Variants in MAP3K2 observed in about 807,000 individuals in gnomAD.
MAP3K2 encodes mitogen-activated protein kinase kinase kinase 2.
MAP3K2 carries 24 observed loss-of-function variants against 80.3 expected under a neutral mutation model. That is an observed-to-expected ratio of 0.30 (90% CI 0.22 to 0.42). The LOEUF (loss-of-function observed/expected upper bound fraction) is 0.42, where lower values mean the gene tolerates loss of function less well. Ranked by LOEUF, MAP3K2 falls within the 10% of genes least tolerant of loss-of-function variation. The pLI, the probability that MAP3K2 is intolerant of heterozygous loss-of-function variation, is 1.00. For missense variants in MAP3K2, 608 were observed against 750.1 expected, an observed-to-expected ratio of 0.81 and a Z score of 2.21; for synonymous variants, 244 against 253.7, an observed-to-expected ratio of 0.96 and a Z score of 0.36.
intron 1 of MAP3K2, among the ~76,000 whole-genome samples, chr2:127,372,616 C>G (rs879600814): frequency 1.2e-4 from 18 of 152,172 alleles, no homozygotes; most frequent in Non-Finnish European, 2.5e-4. Flanking sequence ...AACTCATGCC[C>G]TTCCCTGTTA....
At chr2:127,384,235 T>TA (rs1558993419) in intron 1 of MAP3K2, among the ~76,000 whole-genome samples, 30 of 147,356 alleles carry the variant, frequency 2.0e-4, no homozygotes, top group African/African-American at 6.7e-4. Context: ...TATATATATA[T>TA]TGCTTTTTTA....
At position 127,301,204 on chromosome 2, in the gene MAP3K2, CT is replaced by C. The variant is rs1455575409; in HGVS notation, c.*6374del. 6.6e-6 allele frequency: 1 copy of C among 152,186 alleles called. No individual in the cohort carries two copies. Among genetic ancestry groups the C allele is most frequent in the African/African-American group, 2.4e-5 (1 of 41,450 alleles). The allele number at this position is 152,186 out of a possible 1,614,324, so 9.4% of individuals were successfully genotyped here. A position where few individuals can be genotyped will look rare whatever the true frequency, so the allele number is the denominator to read the frequency against. ...GACATCAGTCCAGAACCTACTTTTC[CT>C]CACAGCTTTGCTGAAATGCCCCTCA... On this transcript the variant is annotated 3_prime_UTR_variant, in exon 17 of 17. Coordinates refer to ENST00000682094, the MANE Select transcript of MAP3K2 (RefSeq NM_001371910.2).
chr2:127,302,770 C>T lies in MAP3K2; in HGVS notation c.*4809G>A, dbSNP rs1443165972. 6.6e-6 allele frequency: 1 copy of T among 152,170 alleles called. No individual in the cohort carries two copies. Among genetic ancestry groups the T allele is most frequent in the African/African-American group, 2.4e-5 (1 of 41,448 alleles). 9.4% of individuals were successfully genotyped at this position (152,170 alleles called of 1,614,324 possible). ...CAACCCAGAAAACATTTACATGTCT[C>T]TTTAGAACGAGAATACCTCTTTCTA... On this transcript the variant is annotated 3_prime_UTR_variant, in exon 17 of 17. Transcript: ENST00000682094.
rs1361570911 is a variant in MAP3K2, at chr2:127,339,653, T to C, written c.5-603A>G. Among the ~76,000 whole-genome samples the C allele has an allele frequency of 1.3e-5, 2 of 152,188 alleles. No homozygotes were observed. The highest frequency in any genetic ancestry group is 4.8e-5 in the African/African-American group (2 of 41,450). On this transcript the variant is annotated intron_variant, in intron 2 of 16. Coordinates refer to ENST00000682094, the MANE Select transcript of MAP3K2 (RefSeq NM_001371910.2). The surrounding 1 kb of genome is among the most constrained non-coding windows in gnomAD (Gnocchi z 4.2). ...GCCAGCAACAATGTAAGAAAATTCC[T>C]TTCCTTAGAAAAAGTACCAAGTCCA...
rs886590965 is a variant in MAP3K2 at position 127,336,081 on chromosome 2, A to G, written c.165-112T>C. The G allele has an allele frequency of 4.8e-6, 3 of 619,578 alleles. No individual in the cohort carries two copies. In the African/African-American group the frequency reaches 5.5e-5, roughly 11 times the overall value. The allele number at this position is 619,578 out of a possible 1,614,324, so 38.4% of individuals were successfully genotyped here. On this transcript the variant is annotated intron_variant, in intron 4 of 16. Transcript: ENST00000682094. ...AAGATTAACTAAAAATTACGTAAAT[A>G]TTCACTTTACTTAACACTACAACAG...
intron 1 of MAP3K2, among the ~76,000 whole-genome samples, chr2:127,363,838 C>G (rs1686929238): frequency 6.6e-6 from 1 of 152,038 alleles, no homozygotes; most frequent in Admixed American, 6.6e-5. Flanking sequence ...TCAATTTTTA[C>G]TAGACATGGG....
chr2:127,387,359 C>G (rs1327396071), intron 1 of MAP3K2, 93 bp downstream of exon 1: 1 of 469,046 alleles, frequency 2.1e-6, no homozygotes, highest in Non-Finnish European at 2.8e-6. Flanking sequence ...GCCAGCCCCC[C>G]TCCCGGCGCC....
At chr2:127,354,209 C>A (rs1380583854) in intron 1 of MAP3K2, among the ~76,000 whole-genome samples, 2 of 148,230 alleles carry the variant, frequency 1.3e-5, no homozygotes, top group African/African-American at 5.0e-5. Context: ...GCCAAATACC[C>A]CTCTGCGAGA....
chr2:127,319,669 A>G (rs1051077838), intron 12 of MAP3K2, among the ~76,000 whole-genome samples: 3 of 149,616 alleles, frequency 2.0e-5, no homozygotes, highest in South Asian at 2.2e-4. Flanking sequence ...AAAAAAAAAA[A>G]AAAAAAAAAG....
rs1036564700 is a variant in MAP3K2, at chr2:127,363,359, T to G, written c.-65-20165A>C. Reference sequence around the variant, plus strand: ...GCTAACATCCTCTAAAAATTAAAAATCCTTCCAAAGTAAGCAGAATTTATA... The same window carrying G: ...GCTAACATCCTCTAAAAATTAAAAAGCCTTCCAAAGTAAGCAGAATTTATA... On this transcript the variant is annotated intron_variant, in intron 1 of 16. Transcript: ENST00000682094. Among the ~76,000 whole-genome samples, 3 of 152,210 alleles carry G rather than the reference T, an allele frequency of 2.0e-5. No homozygotes were observed. The South Asian group carries it at 6.2e-4, about 31-fold the overall frequency.
At position 127,339,952 on chromosome 2, in the gene MAP3K2, A is replaced by G. The variant is rs971758203; in HGVS notation, c.5-902T>C. Among the ~76,000 whole-genome samples the G allele has an allele frequency of 1.3e-5, 2 of 152,182 alleles. No individual in the cohort carries two copies. The highest frequency in any genetic ancestry group is 2.9e-5 in the Non-Finnish European group (2 of 68,020). ...GTAACTTATGTTCTTGGAGTAGTAA[A>G]AATTAAAACATGCCATATCCTGTAT... is the stretch of plus-strand genomic sequence containing the variant. On this transcript the variant is annotated intron_variant, in intron 2 of 16. Coordinates refer to ENST00000682094, the MANE Select transcript of MAP3K2 (RefSeq NM_001371910.2). This position sits in a 1 kb window ranked among gnomAD's most constrained non-coding sequence, Gnocchi z 4.2.
intron 1 of MAP3K2, among the ~76,000 whole-genome samples, chr2:127,351,354 T>A (rs1686688906): frequency 6.6e-6 from 1 of 152,128 alleles, no homozygotes; most frequent in South Asian, 2.1e-4. Flanking sequence ...GACCTCATGT[T>A]AGCAAGTTAC....
At chr2:127,376,823 T>C (rs769852313) in intron 1 of MAP3K2, among the ~76,000 whole-genome samples, 3 of 152,160 alleles carry the variant, frequency 2.0e-5, no homozygotes, top group South Asian at 2.1e-4. Flanking sequence ...CCCAGCACTT[T>C]GGGAGTCTGA....
intron 12 of MAP3K2, among the ~76,000 whole-genome samples, chr2:127,320,660 C>T (rs1473456057): frequency 2.0e-5 from 3 of 152,178 alleles, no homozygotes; most frequent in Non-Finnish European, 4.4e-5. Context: ...TATACCTAGA[C>T]ACGTCATATT....
intron 1 of MAP3K2, among the ~76,000 whole-genome samples, chr2:127,350,916 G>A (rs1686681780): frequency 6.6e-6 from 1 of 152,058 alleles, no homozygotes; most frequent in Non-Finnish European, 1.5e-5. Context: ...GTGCCAACTG[G>A]TAAGGTAACA....
At chr2:127,332,722 C>T (rs1412320385) in intron 5 of MAP3K2, among the ~76,000 whole-genome samples, 1 of 152,148 alleles carries the variant, frequency 6.6e-6, no homozygotes, top group Non-Finnish European at 1.5e-5. Flanking sequence ...GATATAAATG[C>T]TTTCTAGAAA....
chr2:127,343,802 G>T (rs1457548263), intron 1 of MAP3K2, among the ~76,000 whole-genome samples: 2 of 152,116 alleles, frequency 1.3e-5, no homozygotes, highest in Non-Finnish European at 2.9e-5. Context: ...CGGATTGCTT[G>T]AGCCCAGGAG....
At chr2:127,348,646 G>T (rs1686639385) in intron 1 of MAP3K2, among the ~76,000 whole-genome samples, 1 of 152,102 alleles carries the variant, frequency 6.6e-6, no homozygotes, top group African/African-American at 2.4e-5. Flanking sequence ...ATGAGGAAAT[G>T]TTCTGGAGTG....
chr2:127,383,845 T>C (rs1189044656), intron 1 of MAP3K2, among the ~76,000 whole-genome samples: 4 of 151,442 alleles, frequency 2.6e-5, no homozygotes, highest in Non-Finnish European at 5.9e-5. Context: ...GGCTCAGATG[T>C]TCTTCTAGCA....
Sources: allele counts gnomAD v4.1 joint callset (sites outside exome capture counted in the v4.1 genomes callset), GRCh38; gene constraint gnomAD v4.1.1; non-coding constraint Gnocchi (gnomAD v3.1); transcripts MANE v1.5; gene names NCBI Gene and HGNC (gene_info 2026-07-23, HGNC 2026-07-21).